IL1RAPL2: variants seen among roughly 807,000 people sequenced by gnomAD.
The protein encoded by IL1RAPL2 is X-linked interleukin-1 receptor accessory protein-like 2.
In IL1RAPL2, 3 loss-of-function variants were observed where a neutral mutation model predicts 44.1. That is an observed-to-expected ratio of 0.07 (90% confidence interval 0.03 to 0.18). The LOEUF (loss-of-function observed/expected upper bound fraction) is 0.18, where lower values mean the gene tolerates loss of function less well. Among genes scored for constraint, IL1RAPL2 ranks in the 10% least tolerant of loss-of-function variants. The pLI, the probability that IL1RAPL2 is intolerant of heterozygous loss-of-function variation, is 1.00. For synonymous variants in IL1RAPL2, 181 were observed against 178.8 expected (o/e 1.01, Z -0.10); for missense variants, 391 against 496.4 (o/e 0.79, Z 2.02).
chrX:105,497,608 A>G (rs1168222349), intron 6 of IL1RAPL2, among the ~76,000 whole-genome samples: 7 of 111,884 alleles, frequency 6.3e-5, no homozygotes, highest in African/African-American at 2.3e-4. Context: ...AAGGCCAGAC[A>G]AAGACACTAA....
At chrX:104,892,015 A>G (rs920442513) in intron 2 of IL1RAPL2, among the ~76,000 whole-genome samples, 1 of 111,596 alleles carries the variant, frequency 9.0e-6, no homozygotes, top group Non-Finnish European at 1.9e-5. Flanking sequence ...GGGCTGTTGA[A>G]TTTTGTGACA....
intron 2 of IL1RAPL2, among the ~76,000 whole-genome samples, chrX:104,667,939 C>T (rs751803558): frequency 5.4e-5 from 6 of 111,503 alleles, no homozygotes; most frequent in Non-Finnish European, 9.4e-5. Context: ...GGGAAGGCTT[C>T]ATGGGACAGG....
rs147361459 is a variant in IL1RAPL2 at position 105,429,612 on chromosome X, C to T, written c.698-54701C>T. 1.3e-3 allele frequency among the ~76,000 whole-genome samples: 141 copies of T among 111,759 alleles called. 1 individual carries two copies. In the East Asian group the frequency reaches 0.037, roughly 30 times the overall value. ...CACAGACTATGTTTGGCAAACAATG[C>T]TCTAGTAACCCAGGGGTCAGCGGAC... is the stretch of plus-strand genomic sequence containing the variant. On this transcript the variant is annotated intron_variant, in intron 5 of 10. Transcript: ENST00000372582.
chrX:104,943,849 T>A (rs1296201917), intron 2 of IL1RAPL2, among the ~76,000 whole-genome samples: 1 of 112,446 alleles, frequency 8.9e-6, no homozygotes, highest in Non-Finnish European at 1.9e-5. Flanking sequence ...GATTTCTGAC[T>A]AGTTTGTTCT....
intron 6 of IL1RAPL2, among the ~76,000 whole-genome samples, chrX:105,676,433 T>G (rs750560847): frequency 8.0e-5 from 9 of 111,814 alleles, no homozygotes; most frequent in Non-Finnish European, 1.7e-4. Flanking sequence ...CTAGGTGGAC[T>G]GAGCTGATTA....
chrX:104,769,312 G>A (rs1156946821), intron 2 of IL1RAPL2, among the ~76,000 whole-genome samples: 2 of 111,480 alleles, frequency 1.8e-5, no homozygotes, highest in Non-Finnish European at 3.8e-5. Flanking sequence ...GGCCATTGAT[G>A]TTGTAACATT....
chrX:104,947,378 C>G (rs2147707096), intron 2 of IL1RAPL2, among the ~76,000 whole-genome samples: 2 of 95,227 alleles, frequency 2.1e-5, no homozygotes, highest in South Asian at 5.9e-4. Context: ...CCTGTTCACT[C>G]TGATGGTAGT....
At chrX:105,695,099 G>A (rs1189515997) in intron 6 of IL1RAPL2, among the ~76,000 whole-genome samples, 4 of 111,411 alleles carry the variant, frequency 3.6e-5, no homozygotes, top group Non-Finnish European at 7.5e-5. Flanking sequence ...TCCCCACATG[G>A]TATCTTGAAA....
intron 2 of IL1RAPL2, among the ~76,000 whole-genome samples, chrX:104,786,919 T>TTCTCTCTC (rs58609782): frequency 1.3e-3 from 47 of 36,673 alleles, no homozygotes; most frequent in African/African-American, 2.9e-3. Context: ...CTCATTCATA[T>TTCTCTCTC]TCTCTCTCTC....
At chrX:104,790,781 T>C (rs1007627709) in intron 2 of IL1RAPL2, among the ~76,000 whole-genome samples, 61 of 111,568 alleles carry the variant, frequency 5.5e-4, no homozygotes, top group African/African-American at 2.0e-3. Flanking sequence ...TGTTACCTTT[T>C]TCACAGTGGT....
intron 2 of IL1RAPL2, among the ~76,000 whole-genome samples, chrX:104,924,942 C>T (rs1924736709): frequency 9.1e-6 from 1 of 109,807 alleles, no homozygotes; most frequent in Non-Finnish European, 1.9e-5. Flanking sequence ...CAAAATTGAT[C>T]CACCACTAGC....
intron 4 of IL1RAPL2, among the ~76,000 whole-genome samples, chrX:105,236,084 T>C (rs1204001772): frequency 8.9e-6 from 1 of 112,457 alleles, no homozygotes; most frequent in African/African-American, 3.2e-5. Flanking sequence ...TTATTTTAAT[T>C]TTATGGTTGA....
intron 2 of IL1RAPL2, among the ~76,000 whole-genome samples, chrX:104,787,816 T>G (rs2147606057): frequency 9.0e-6 from 1 of 111,449 alleles, no homozygotes; most frequent in African/African-American, 3.3e-5. Flanking sequence ...TCTGAATAGG[T>G]TTCAGAAAAG....
At position 105,481,914 on chromosome X, in the gene IL1RAPL2, A is replaced by G. The variant is rs144931153; in HGVS notation, c.698-2399A>G. Among the ~76,000 whole-genome samples the G allele has an allele frequency of 5.6e-3, 633 of 112,057 alleles. 5 individuals carry two copies. Among genetic ancestry groups the G allele is most frequent in the African/African-American group, 0.019 (589 of 30,842 alleles). ...CCTTACCCACCACAGTTACTCAGCC[A>G]TCCACTCCCTCTCTTCAGAGGACAC... On this transcript the variant is annotated intron_variant, in intron 5 of 10. Transcript: ENST00000372582.
intron 2 of IL1RAPL2, among the ~76,000 whole-genome samples, chrX:105,136,080 A>G (rs1164358901): frequency 8.9e-6 from 1 of 112,179 alleles, no homozygotes; most frequent in Admixed American, 9.5e-5. Context: ...AAGACTAATC[A>G]CAAGCATCAA....
chrX:104,602,131 C>T (rs995432340), intron 1 of IL1RAPL2, among the ~76,000 whole-genome samples: 6 of 111,454 alleles, frequency 5.4e-5, no homozygotes, highest in Non-Finnish European at 1.1e-4. Context: ...AACTGAGGTA[C>T]CCCATTCATC....
rs775361346 is a variant in IL1RAPL2 at position 105,105,218 on chromosome X, C to A, written c.83-90257C>A. 8.0e-5 allele frequency among the ~76,000 whole-genome samples: 9 copies of A among 112,081 alleles called. No individual in the cohort carries two copies. In the East Asian group the frequency reaches 8.4e-4, roughly 11 times the overall value. On this transcript the variant is annotated intron_variant, in intron 2 of 10. Coordinates refer to ENST00000372582, the MANE Select transcript of IL1RAPL2 (RefSeq NM_017416.2). ...GCATCTTATTAAGATATAACTACTA[C>A]TAATAATAATGATTTATTGGATGCT... is the stretch of plus-strand genomic sequence containing the variant.
intron 2 of IL1RAPL2, among the ~76,000 whole-genome samples, chrX:104,954,660 G>A (rs904825742): frequency 2.7e-5 from 3 of 111,668 alleles, no homozygotes; most frequent in East Asian, 5.7e-4. Context: ...CTTCAGCCTC[G>A]CAAGTAGCTA....
chrX:105,108,004 A>C (rs1194426933), intron 2 of IL1RAPL2, among the ~76,000 whole-genome samples: 12 of 111,048 alleles, frequency 1.1e-4, no homozygotes, highest in African/African-American at 3.9e-4. Flanking sequence ...TTCTTCTATT[A>C]TCTAAAAATT....
Sources: gnomAD v4.1 joint callset for allele counts (sites outside exome capture counted in the v4.1 genomes callset) on GRCh38, gnomAD v4.1.1 for gene constraint, MANE v1.5 for transcripts, NCBI Gene and HGNC (gene_info 2026-07-23, HGNC 2026-07-21) for gene names.